The following PI15 variants were observed in gnomAD, a reference collection of about 807,000 sequenced individuals.
The protein encoded by PI15 is 25 kDa trypsin inhibitor.
In PI15, 18 loss-of-function variants were observed where a neutral mutation model predicts 31.0. That is an observed-to-expected ratio of 0.58 (90% CI 0.40 to 0.86). The LOEUF (loss-of-function observed/expected upper bound fraction) is 0.86. Among genes scored for constraint, PI15 ranks in the 40% least tolerant of loss-of-function variants. The pLI is 0.00. For missense variants in PI15, 282 were observed against 328.1 expected (o/e 0.86, Z 1.09); for synonymous variants, 118 against 119.1 (o/e 0.99, Z 0.06).
chr8:74,851,085 C>A lies in PI15; in HGVS notation c.*1832C>A, dbSNP rs1053528680. 6.6e-6 allele frequency: 1 copy of A among 152,544 alleles called. No homozygotes were observed. Among genetic ancestry groups the A allele is most frequent in the African/African-American group, 2.4e-5 (1 of 41,428 alleles). 9.4% of individuals were successfully genotyped at this position (152,544 alleles called of 1,614,324 possible). A position where few individuals can be genotyped will look rare whatever the true frequency, so the allele number is the denominator to read the frequency against. ...GTTAATGAATGACTAGCCCAATTAT[C>A]CTTATAAATTGAATATGGTGACCAA... On this transcript the variant is annotated 3_prime_UTR_variant, in exon 6 of 6. Transcript: ENST00000260113.
At chr8:74,828,555 T>C (rs1810732479) in intron 2 of PI15, among the ~76,000 whole-genome samples, 1 of 152,122 alleles carries the variant, frequency 6.6e-6, no homozygotes, top group Non-Finnish European at 1.5e-5. Flanking sequence ...CTTAGTTTGA[T>C]ACTATTACCT....
intron 3 of PI15, among the ~76,000 whole-genome samples, chr8:74,844,683 T>C (rs576811379): frequency 2.0e-5 from 3 of 151,950 alleles, no homozygotes; most frequent in Non-Finnish European, 2.9e-5. Flanking sequence ...CTCCCCCAAA[T>C]AGGGAAGGAA....
chr8:74,827,829 A>G (rs181924157), intron 2 of PI15, among the ~76,000 whole-genome samples: 1 of 152,248 alleles, frequency 6.6e-6, no homozygotes, highest in East Asian at 1.9e-4. Flanking sequence ...ACCACTATAT[A>G]TGATTTATTT....
chr8:74,839,679 A>G (rs1019108611), intron 2 of PI15, among the ~76,000 whole-genome samples: 15 of 152,180 alleles, frequency 9.9e-5, no homozygotes, highest in African/African-American at 3.4e-4. Flanking sequence ...AATGTTGAAT[A>G]TGGTTTAATA....
intron 2 of PI15, among the ~76,000 whole-genome samples, chr8:74,835,888 T>C (rs1230489491): frequency 3.3e-5 from 5 of 152,224 alleles, no homozygotes; most frequent in Non-Finnish European, 7.3e-5. Flanking sequence ...ATGTATTCCT[T>C]CATTAATTTA....
At chr8:74,826,583 G>C (rs1810703467) in intron 2 of PI15, among the ~76,000 whole-genome samples, 1 of 152,074 alleles carries the variant, frequency 6.6e-6, no homozygotes, top group Non-Finnish European at 1.5e-5. Context: ...CATTTTCCTA[G>C]AATTTATAAA....
At chr8:74,843,597 T>C (rs1433219975) in intron 2 of PI15, among the ~76,000 whole-genome samples, 1 of 152,128 alleles carries the variant, frequency 6.6e-6, no homozygotes, top group South Asian at 2.1e-4. Context: ...GATGTGGTAG[T>C]GCGCACCTGC....
In PI15 at chr8:74,825,486, C is replaced by CAA; in HGVS notation, c.239_240dup (p.Val81LysfsTer39). ...TTGATTATCATAATCAAGTTCGGGG[C>CAA]AAAGTGTTCCCACCGGCAGCAAATA... On this transcript the variant is annotated frameshift_variant, in exon 2 of 6. Transcript: ENST00000260113. LOFTEE classifies it high-confidence loss of function. The CAA allele has an allele frequency of 6.2e-7, 1 of 1,611,592 alleles. No homozygotes were observed. The highest frequency in any genetic ancestry group is 1.1e-5 in the South Asian group (1 of 90,978).
At chr8:74,842,051 G>A (rs1027200421) in intron 2 of PI15, among the ~76,000 whole-genome samples, 3 of 151,664 alleles carry the variant, frequency 2.0e-5, no homozygotes, top group African/African-American at 7.3e-5. Context: ...CACTAAATTA[G>A]TTTCTTTCAA....
intron 2 of PI15, 88 bp from the exon 3 acceptor site, chr8:74,843,893 C>A: frequency 1.3e-6 from 1 of 778,464 alleles, no homozygotes; most frequent in Non-Finnish European, 2.3e-6. Context: ...AACAATAACT[C>A]TAGGAAATAG....
intron 2 of PI15, among the ~76,000 whole-genome samples, chr8:74,838,047 C>T (rs566668298): frequency 1.6e-4 from 25 of 151,998 alleles, no homozygotes; most frequent in African/African-American, 6.0e-4. Flanking sequence ...TTACCACTTG[C>T]AAATTAAATT....
chr8:74,843,732 T>G (rs530321634), intron 2 of PI15, among the ~76,000 whole-genome samples: 1 of 152,158 alleles, frequency 6.6e-6, no homozygotes, highest in Admixed American at 6.5e-5. Flanking sequence ...GGCATGGTGA[T>G]GTGCGCCTGT....
At chr8:74,839,953 G>A (rs539510077) in intron 2 of PI15, among the ~76,000 whole-genome samples, 42 of 152,086 alleles carry the variant, frequency 2.8e-4, no homozygotes, top group African/African-American at 8.4e-4. Flanking sequence ...CTGAACTTTC[G>A]TCAGTTGTTA....
rs1811012156 is a variant in PI15, at chr8:74,845,429, C to T, written c.573C>T (p.Cys191=). The change falls in exon 5 of 6, where the codon TGC becomes TGT. Residue 191 remains cysteine (C), a synonymous_variant. Transcript: ENST00000260113. Reference sequence around the variant, plus strand: ...GGATAGGATGCGCAATTCATACTTGCCAAAACATGAATGTTTGGGGATCTG... The same window carrying T: ...GGATAGGATGCGCAATTCATACTTGTCAAAACATGAATGTTTGGGGATCTG... ...SNRIGCAIHT[C]QNMNVWGSVW... 1 of 1,613,992 alleles carries T rather than the reference C, an allele frequency of 6.2e-7. No homozygotes were observed. Among genetic ancestry groups the T allele is most frequent in the Non-Finnish European group, 8.5e-7 (1 of 1,179,940 alleles).
intron 5 of PI15, 148 bp from the exon 6 acceptor site, chr8:74,848,970 A>T (rs1346350863): frequency 1.6e-6 from 1 of 626,978 alleles, no homozygotes; most frequent in Non-Finnish European, 2.7e-6. Context: ...TGAAATAAGA[A>T]ATGATTATAA....
chr8:74,825,219 C>G lies in PI15; in HGVS notation c.-31C>G. The G allele has an allele frequency of 6.2e-7, 1 of 1,606,466 alleles. No individual in the cohort carries two copies. The highest frequency in any genetic ancestry group is 8.5e-7 in the Non-Finnish European group (1 of 1,174,562). On this transcript the variant is annotated 5_prime_UTR_variant, in exon 2 of 6. Transcript: ENST00000260113. ...CCTTTCTGCTTTAAAGCAAAGTAAA[C>G]TCGGTGGCCTCTTCTTCTCCACCCC...
intron 2 of PI15, among the ~76,000 whole-genome samples, chr8:74,838,111 A>G (rs1294801717): frequency 6.6e-6 from 1 of 152,030 alleles, no homozygotes; most frequent in Non-Finnish European, 1.5e-5. Flanking sequence ...TTAGTATTTC[A>G]ATTGATTTAT....
chr8:74,845,069 T>C (rs117429462), intron 3 of PI15, 59 bp from the exon 4 acceptor site: 32,964 of 1,391,894 alleles, frequency 0.024, 479 homozygotes, highest in African/African-American at 0.029. Context: ...CAGTGTAACA[T>C]GAGTCCCTTA....
intron 2 of PI15, among the ~76,000 whole-genome samples, chr8:74,829,222 CAG>C (rs1810744251): frequency 1.3e-5 from 2 of 151,950 alleles, no homozygotes; most frequent in Admixed American, 1.3e-4. Flanking sequence ...AATGTCTTAA[CAG>C]AGTTTTTGTC....
Sources: allele counts gnomAD v4.1 joint callset (sites outside exome capture counted in the v4.1 genomes callset), GRCh38; gene constraint gnomAD v4.1.1; transcripts MANE v1.5; gene names NCBI Gene and HGNC (gene_info 2026-07-23, HGNC 2026-07-21).